Variants in CHST11 observed in about 807,000 individuals in gnomAD.
CHST11 encodes the protein carbohydrate sulfotransferase 11.
CHST11 carries 9 observed loss-of-function variants against 30.4 expected under a neutral mutation model. The ratio of observed to expected loss-of-function variants is 0.30; its 90% CI spans 0.18 to 0.52. The LOEUF (loss-of-function observed/expected upper bound fraction) is 0.52, where lower values mean the gene tolerates loss of function less well. Among genes scored for constraint, CHST11 ranks in the 20% least tolerant of loss-of-function variants. The pLI is 0.97. For missense variants in CHST11, 348 were observed against 460.6 expected, an observed-to-expected ratio of 0.76 and a Z score of 2.24; for synonymous variants, 152 against 187.8, an observed-to-expected ratio of 0.81 and a Z score of 1.56.
chr12:104,459,722 T>C (rs1321374287), intron 1 of CHST11, among the ~76,000 whole-genome samples: 2 of 152,234 alleles, frequency 1.3e-5, no homozygotes, highest in East Asian at 3.8e-4. Context: ...GAACCTTTTC[T>C]AAGCTTGTGC....
intron 2 of CHST11, among the ~76,000 whole-genome samples, chr12:104,739,632 C>G (rs1299370611): frequency 2.0e-5 from 3 of 152,234 alleles, no homozygotes; most frequent in Non-Finnish European, 4.4e-5. Context: ...GTAAAGAACT[C>G]TATTTTTTTC....
intron 1 of CHST11, among the ~76,000 whole-genome samples, chr12:104,571,220 A>G (rs1174847710): frequency 1.3e-5 from 2 of 150,596 alleles, no homozygotes; most frequent in Non-Finnish European, 3.0e-5. Flanking sequence ...CTGGAGTGCA[A>G]TGGCCCGATC....
intron 2 of CHST11, among the ~76,000 whole-genome samples, chr12:104,665,052 G>C (rs1044208949): frequency 1.3e-5 from 2 of 152,130 alleles, no homozygotes; most frequent in Admixed American, 1.3e-4. Context: ...GCAGACTCAG[G>C]GGGTAACTCC....
At chr12:104,566,094 T>C (rs2038563620) in intron 1 of CHST11, among the ~76,000 whole-genome samples, 1 of 152,204 alleles carries the variant, frequency 6.6e-6, no homozygotes, top group Admixed American at 6.5e-5. Context: ...AGCATGACTG[T>C]GGCATGCAAA....
chr12:104,712,606 A>G (rs1478502691), intron 2 of CHST11, among the ~76,000 whole-genome samples: 1 of 152,120 alleles, frequency 6.6e-6, no homozygotes, highest in African/African-American at 2.4e-5. Flanking sequence ...ATTTGGTGTG[A>G]AGGAGCTGGC....
intron 2 of CHST11, among the ~76,000 whole-genome samples, chr12:104,755,364 T>C (rs1417055216): frequency 6.6e-6 from 1 of 151,746 alleles, no homozygotes; most frequent in Non-Finnish European, 1.5e-5. Context: ...GCCACAGGAG[T>C]TGAGAAAACC....
intron 1 of CHST11, among the ~76,000 whole-genome samples, chr12:104,487,076 A>T (rs1267494831): frequency 6.6e-6 from 1 of 152,216 alleles, no homozygotes; most frequent in Non-Finnish European, 1.5e-5. Flanking sequence ...TGAAGAACAC[A>T]GGCTTGCCAG....
At chr12:104,686,701 G>A (rs866945057) in intron 2 of CHST11, among the ~76,000 whole-genome samples, 21 of 152,156 alleles carry the variant, frequency 1.4e-4, no homozygotes, top group African/African-American at 5.1e-4. Flanking sequence ...AGGCTGGAGT[G>A]CAGTGGCGCG....
At chr12:104,743,277 G>A (rs753124999) in intron 2 of CHST11, among the ~76,000 whole-genome samples, 26 of 152,244 alleles carry the variant, frequency 1.7e-4, no homozygotes, top group Admixed American at 3.9e-4. Context: ...GGGGATGGGA[G>A]AGCTGAGGTT....
chr12:104,483,491 C>A (rs1311155838), intron 1 of CHST11, among the ~76,000 whole-genome samples: 1 of 152,228 alleles, frequency 6.6e-6, no homozygotes, highest in Non-Finnish European at 1.5e-5. Context: ...CAGGCGTGAG[C>A]CACCGTGCCC....
chr12:104,580,605 C>A (rs949302741), intron 1 of CHST11, among the ~76,000 whole-genome samples: 4 of 152,168 alleles, frequency 2.6e-5, no homozygotes, highest in African/African-American at 9.7e-5. Flanking sequence ...GTGCCCCATG[C>A]AAAGCTTCCT....
chr12:104,638,919 C>T (rs1204973967), intron 2 of CHST11, among the ~76,000 whole-genome samples: 2 of 152,196 alleles, frequency 1.3e-5, no homozygotes, highest in African/African-American at 2.4e-5. Flanking sequence ...ATACCAGTGG[C>T]AGGCACAGAT....
intron 1 of CHST11, among the ~76,000 whole-genome samples, chr12:104,553,795 C>A (rs970338754): frequency 2.0e-5 from 3 of 152,174 alleles, no homozygotes; most frequent in African/African-American, 4.8e-5. Flanking sequence ...ATATCAGCTG[C>A]ATAACAAATT....
At chr12:104,593,305 A>G (rs1473055336) in intron 1 of CHST11, among the ~76,000 whole-genome samples, 1 of 152,188 alleles carries the variant, frequency 6.6e-6, no homozygotes, top group Non-Finnish European at 1.5e-5. Context: ...GAATTTGCTT[A>G]TAGGGTCTCC....
chr12:104,708,645 C>G (rs965049329), intron 2 of CHST11, among the ~76,000 whole-genome samples: 1 of 152,190 alleles, frequency 6.6e-6, no homozygotes, highest in Non-Finnish European at 1.5e-5. Flanking sequence ...CCCATGCCGT[C>G]CTCACCATCT....
intron 2 of CHST11, among the ~76,000 whole-genome samples, chr12:104,640,438 C>T (rs1592810445): frequency 6.6e-6 from 1 of 152,136 alleles, no homozygotes; most frequent in East Asian, 1.9e-4. Flanking sequence ...ATGGAGGAAC[C>T]TGAAGTGCAT....
chr12:104,528,402 T>G lies in CHST11; in HGVS notation c.118+70873T>G, dbSNP rs116026369. Among the ~76,000 whole-genome samples, 1,046 of 152,326 alleles carry G rather than the reference T, an allele frequency of 6.9e-3. 18 individuals are homozygous for G. Among genetic ancestry groups the G allele is most frequent in the African/African-American group, 0.024 (987 of 41,568 alleles). ...TCCAAAGTGATTTTTCTTCAGGTGC[T>G]CAATCACATAGTAAATTTCAATGAA... On this transcript the variant is annotated intron_variant, in intron 1 of 2. Coordinates refer to ENST00000303694, the MANE Select transcript of CHST11 (RefSeq NM_018413.6).
chr12:104,565,743 C>T (rs1464042590), intron 1 of CHST11, among the ~76,000 whole-genome samples: 3 of 152,128 alleles, frequency 2.0e-5, no homozygotes, highest in East Asian at 1.9e-4. Flanking sequence ...GCTCCGGCAT[C>T]GCCAGCATAG....
chr12:104,565,028 C>T (rs532005423), intron 1 of CHST11, among the ~76,000 whole-genome samples: 1 of 152,230 alleles, frequency 6.6e-6, no homozygotes, highest in African/African-American at 2.4e-5. Context: ...ATTATGGGAG[C>T]TACAATTCAA....
Sources: allele counts gnomAD v4.1 joint callset (sites outside exome capture counted in the v4.1 genomes callset), GRCh38; gene constraint gnomAD v4.1.1; transcripts MANE v1.5; gene names NCBI Gene and HGNC (gene_info 2026-07-23, HGNC 2026-07-21).